The following CTNNA2 variants were observed in gnomAD, a reference collection of about 807,000 sequenced individuals.
CTNNA2 encodes catenin alpha-2.
CTNNA2 carries 42 observed loss-of-function variants against 101.0 expected under a neutral mutation model. The observed-to-expected ratio is 0.42, with a 90% CI of 0.32 to 0.54. The LOEUF (loss-of-function observed/expected upper bound fraction) is 0.54, where lower values mean the gene tolerates loss of function less well. CTNNA2 is among the 20% of genes least tolerant of loss of function. CTNNA2 has a pLI of 0.14. For missense variants in CTNNA2, 871 were observed against 1,223.1 expected (o/e 0.71, Z 4.29); for synonymous variants, 450 against 456.4 (o/e 0.99, Z 0.18).
intron 7 of CTNNA2, among the ~76,000 whole-genome samples, chr2:80,092,300 A>G (rs1034547535): frequency 6.6e-6 from 1 of 152,138 alleles, no homozygotes; most frequent in East Asian, 1.9e-4. Flanking sequence ...TGCATTCCTC[A>G]TCAGTAGGAG....
chr2:80,192,103 AG>A (rs1370496456), intron 7 of CTNNA2, among the ~76,000 whole-genome samples: 1 of 152,244 alleles, frequency 6.6e-6, no homozygotes, highest in Non-Finnish European at 1.5e-5. Flanking sequence ...TGAGGTCTGC[AG>A]TGGTGAATAT....
chr2:80,180,079 C>G (rs770566447), intron 7 of CTNNA2, among the ~76,000 whole-genome samples: 1 of 152,156 alleles, frequency 6.6e-6, no homozygotes, highest in Admixed American at 6.5e-5. Context: ...GTCCAGTAGT[C>G]CCCGAAAGTT....
In CTNNA2 at chr2:80,449,174, G is replaced by T. The variant is rs1215637087; in HGVS notation, c.1290+29573G>T. Among the ~76,000 whole-genome samples the T allele has an allele frequency of 5.9e-5, 9 of 152,090 alleles. 1 individual carries two copies. Among genetic ancestry groups the T allele is most frequent in the Admixed American group, 5.9e-4 (9 of 15,264 alleles). On this transcript the variant is annotated intron_variant, in intron 9 of 18. Coordinates refer to ENST00000402739, the MANE Select transcript of CTNNA2 (RefSeq NM_001282597.3). ...GGCCTGTAATCCTAGGACTCTGAGA[G>T]GCCGAGGCAGGAGGATCAGTTGAGC...
chr2:79,983,675 C>T (rs1691553595), intron 7 of CTNNA2, among the ~76,000 whole-genome samples: 1 of 150,906 alleles, frequency 6.6e-6, no homozygotes, highest in Non-Finnish European at 1.5e-5. Context: ...ATAAGAACCT[C>T]GGAATGAATC....
At chr2:79,783,953 C>G (rs1674646789) in intron 3 of CTNNA2, among the ~76,000 whole-genome samples, 1 of 152,134 alleles carries the variant, frequency 6.6e-6, no homozygotes, top group Non-Finnish European at 1.5e-5. Flanking sequence ...AAGAAGAAAC[C>G]TATGTATTTT....
At chr2:80,583,164 G>A (rs1695687355) in intron 14 of CTNNA2, among the ~76,000 whole-genome samples, 1 of 152,098 alleles carries the variant, frequency 6.6e-6, no homozygotes, top group Non-Finnish European at 1.5e-5. Flanking sequence ...GAATAACAGG[G>A]TTACCTGATA....
chr2:79,734,614 C>T (rs114788969), intron 2 of CTNNA2, among the ~76,000 whole-genome samples: 169 of 152,100 alleles, frequency 1.1e-3, no homozygotes, highest in African/African-American at 3.8e-3. Context: ...AAGATTAAAA[C>T]ATCTTAAGGG....
At chr2:80,583,026 A>G in intron 14 of CTNNA2, among the ~76,000 whole-genome samples, 1 of 152,162 alleles carries the variant, frequency 6.6e-6, no homozygotes, top group East Asian at 1.9e-4. Flanking sequence ...GTGAAGGTTA[A>G]AGAATATTAA....
chr2:79,608,322 G>T (rs1432071580), intron 1 of CTNNA2, among the ~76,000 whole-genome samples: 1 of 151,924 alleles, frequency 6.6e-6, no homozygotes, highest in Non-Finnish European at 1.5e-5. Flanking sequence ...CATTGACTTT[G>T]CCCAAACATG....
chr2:79,864,624 G>C (rs1354176230), intron 4 of CTNNA2, among the ~76,000 whole-genome samples: 1 of 152,136 alleles, frequency 6.6e-6, no homozygotes, highest in Non-Finnish European at 1.5e-5. Context: ...TAAGACAATG[G>C]CAGTGTTTAT....
intron 6 of CTNNA2, among the ~76,000 whole-genome samples, chr2:79,880,364 G>T (rs2916505): frequency 3.3e-5 from 5 of 151,978 alleles, no homozygotes; most frequent in African/African-American, 1.2e-4. Flanking sequence ...TTCCTTTTCA[G>T]TTGTTTGGAA....
chr2:79,783,794 C>T (rs1674631401), intron 3 of CTNNA2, among the ~76,000 whole-genome samples: 1 of 152,136 alleles, frequency 6.6e-6, no homozygotes, highest in African/African-American at 2.4e-5. Context: ...ATTTTCCCAA[C>T]TGGATTGTAA....
chr2:79,295,348 G>T (rs939918478), intron 2 of CTNNA2, among the ~76,000 whole-genome samples: 1 of 152,132 alleles, frequency 6.6e-6, no homozygotes, highest in African/African-American at 2.4e-5. Flanking sequence ...TCATGTGGCT[G>T]CACTAGATTT....
At chr2:80,334,332 G>T (rs1446351465) in intron 7 of CTNNA2, among the ~76,000 whole-genome samples, 11 of 152,070 alleles carry the variant, frequency 7.2e-5, no homozygotes. Flanking sequence ...CCAAATCTGG[G>T]CATATCTCTT....
At chr2:79,653,393 T>C (rs1039201708) in intron 2 of CTNNA2, among the ~76,000 whole-genome samples, 2 of 152,144 alleles carry the variant, frequency 1.3e-5, no homozygotes, top group African/African-American at 4.8e-5. Context: ...CTCAAGAACA[T>C]TGTGATTTTA....
rs1402863061 is a variant in CTNNA2 at position 79,616,864 on chromosome 2, T to TC, written c.-5-34684dup. Among the ~76,000 whole-genome samples, 6 of 152,200 alleles carry TC rather than the reference T, an allele frequency of 3.9e-5. No individual in the cohort carries two copies. In the East Asian group the frequency reaches 1.2e-3, roughly 29 times the overall value. ...CCTTGTCTTTTGGCGTTTGTCATTT[T>TC]CCCCTCTTCTTTCTCCCCAATAATA... On this transcript the variant is annotated intron_variant, in intron 1 of 18. Coordinates refer to ENST00000402739, the MANE Select transcript of CTNNA2 (RefSeq NM_001282597.3).
intron 3 of CTNNA2, among the ~76,000 whole-genome samples, chr2:79,832,644 G>A (rs1679011992): frequency 6.6e-6 from 1 of 152,304 alleles, no homozygotes; most frequent in African/African-American, 2.4e-5. Context: ...GAGAGACTGA[G>A]TGTCAGCCCT....
intron 4 of CTNNA2, among the ~76,000 whole-genome samples, chr2:79,500,116 A>G (rs2103801970): frequency 6.6e-6 from 1 of 152,334 alleles, no homozygotes; most frequent in South Asian, 2.1e-4. Flanking sequence ...ATGTTGACAC[A>G]TAAAATTCAC....
intron 8 of CTNNA2, among the ~76,000 whole-genome samples, chr2:80,408,107 C>A (rs1449174735): frequency 6.6e-6 from 1 of 152,160 alleles, no homozygotes; most frequent in African/African-American, 2.4e-5. Context: ...CCCAAGTTAC[C>A]CATCCCACTC....
Sources: gnomAD v4.1 joint callset for allele counts (sites outside exome capture counted in the v4.1 genomes callset) on GRCh38, gnomAD v4.1.1 for gene constraint, MANE v1.5 for transcripts, NCBI Gene and HGNC (gene_info 2026-07-23, HGNC 2026-07-21) for gene names.